PTPRD: variants seen among roughly 807,000 people sequenced by gnomAD.
PTPRD encodes the protein protein tyrosine phosphatase receptor type D, also known as receptor-type tyrosine-protein phosphatase delta.
Under a neutral mutation model 214.5 loss-of-function variants are expected in PTPRD, and 34 were observed. The ratio of observed to expected loss-of-function variants is 0.16; its 90% CI spans 0.12 to 0.21. The LOEUF (loss-of-function observed/expected upper bound fraction) is 0.21. Among genes scored for constraint, PTPRD ranks in the 10% least tolerant of loss-of-function variants. PTPRD has a pLI of 1.00. For synonymous variants in PTPRD, 1,128 were observed against 845.7 expected (o/e 1.33, Z -5.79); for missense variants, 2,545 against 2,398.7 (o/e 1.06, Z -1.27).
intron 10 of PTPRD, among the ~76,000 whole-genome samples, chr9:9,174,657 G>T (rs1055317859): frequency 1.3e-5 from 2 of 152,002 alleles, no homozygotes; most frequent in Admixed American, 6.6e-5. Context: ...TTACATAAGA[G>T]ATTTCATAAT....
intron 3 of PTPRD, among the ~76,000 whole-genome samples, chr9:10,051,492 C>T (rs989835155): frequency 1.3e-5 from 2 of 151,768 alleles, no homozygotes; most frequent in Non-Finnish European, 2.9e-5. Context: ...GGTTCATGTG[C>T]ACAACATGCA....
chr9:10,470,138 A>G lies in PTPRD; in HGVS notation c.-599-129121T>C, dbSNP rs140632411. Among the ~76,000 whole-genome samples, 19 of 152,290 alleles carry G rather than the reference A, an allele frequency of 1.2e-4. No individual in the cohort carries two copies. In the East Asian group the frequency reaches 3.7e-3, roughly 29 times the overall value. ...GATATGGAATAGTCCCAACACAAAC[A>G]AATGACAAATGTTTGAGGTAATGGA... On this transcript the variant is annotated intron_variant, in intron 2 of 45. Coordinates refer to ENST00000381196, the MANE Select transcript of PTPRD (RefSeq NM_002839.4).
chr9:8,727,639 G>GTTTT (rs764907037), intron 12 of PTPRD, among the ~76,000 whole-genome samples: 1 of 149,926 alleles, frequency 6.7e-6, no homozygotes, highest in Non-Finnish European at 1.5e-5. Flanking sequence ...TGGTTTAGGT[G>GTTTT]TTTTTTGTTT....
intron 11 of PTPRD, among the ~76,000 whole-genome samples, chr9:8,959,617 A>G (rs1328785982): frequency 6.6e-6 from 1 of 151,956 alleles, no homozygotes; most frequent in Non-Finnish European, 1.5e-5. Context: ...GATTTTAACC[A>G]TTTGCATTTA....
chr9:9,783,012 T>C (rs185140181), intron 5 of PTPRD, among the ~76,000 whole-genome samples: 4 of 152,316 alleles, frequency 2.6e-5, no homozygotes, highest in Non-Finnish European at 5.9e-5. Flanking sequence ...AACCAAATCA[T>C]CATGGAATTT....
intron 5 of PTPRD, among the ~76,000 whole-genome samples, chr9:9,864,669 C>G (rs1338670552): frequency 6.6e-6 from 1 of 152,024 alleles, no homozygotes; most frequent in African/African-American, 2.4e-5. Context: ...CAGGCGCACA[C>G]CACCAAGCCC....
At chr9:8,590,167 T>C (rs536957861) in intron 14 of PTPRD, among the ~76,000 whole-genome samples, 7 of 152,108 alleles carry the variant, frequency 4.6e-5, no homozygotes, top group Admixed American at 1.3e-4. Flanking sequence ...AAGCTGATAA[T>C]AGAAACCAGA....
chr9:9,334,412 T>C (rs1049101928), intron 9 of PTPRD, among the ~76,000 whole-genome samples: 2 of 151,988 alleles, frequency 1.3e-5, no homozygotes, highest in African/African-American at 4.8e-5. Context: ...TAATGTGAAA[T>C]AGTCTGTTAA....
intron 9 of PTPRD, among the ~76,000 whole-genome samples, chr9:9,271,318 C>T (rs1168023641): frequency 6.6e-6 from 1 of 150,550 alleles, no homozygotes; most frequent in Non-Finnish European, 1.5e-5. Flanking sequence ...ACTTTCTCAT[C>T]TTTCTGAACA....
intron 2 of PTPRD, among the ~76,000 whole-genome samples, chr9:10,477,995 G>A (rs2099074157): frequency 6.6e-6 from 1 of 151,724 alleles, no homozygotes; most frequent in South Asian, 2.1e-4. Flanking sequence ...GGGGACAAGG[G>A]GAGGGAGAGC....
intron 9 of PTPRD, among the ~76,000 whole-genome samples, chr9:9,259,440 A>T (rs944143086): frequency 1.3e-5 from 2 of 151,892 alleles, no homozygotes; most frequent in Non-Finnish European, 2.9e-5. Context: ...CCTCTCCACC[A>T]ATGAATGTAT....
At chr9:10,340,475 T>C (rs2096918434) in intron 3 of PTPRD, among the ~76,000 whole-genome samples, 1 of 151,896 alleles carries the variant, frequency 6.6e-6, no homozygotes, top group African/African-American at 2.4e-5. Context: ...GTTTTTTGTT[T>C]TTGGTTTAAG....
At chr9:10,096,001 G>C (rs543127524) in intron 3 of PTPRD, among the ~76,000 whole-genome samples, 7 of 151,530 alleles carry the variant, frequency 4.6e-5, no homozygotes, top group Non-Finnish European at 1.0e-4. Context: ...TGTGAATTCT[G>C]TATATTCCTT....
At position 9,633,448 on chromosome 9, in the gene PTPRD, G is replaced by C. The variant is rs963088951; in HGVS notation, c.-286-58667C>G. 7.9e-5 allele frequency among the ~76,000 whole-genome samples: 12 copies of C among 152,294 alleles called. No individual in the cohort carries two copies. The South Asian group carries it at 8.3e-4, about 11-fold the overall frequency. On this transcript the variant is annotated intron_variant, in intron 7 of 45. Coordinates refer to ENST00000381196, the MANE Select transcript of PTPRD (RefSeq NM_002839.4). ...CAAACGACTTCCAAAATCTAGGCAT[G>C]TTTTCAAAATAACACATATATTAAT...
At chr9:10,175,051 T>C (rs1403780891) in intron 3 of PTPRD, among the ~76,000 whole-genome samples, 1 of 152,122 alleles carries the variant, frequency 6.6e-6, no homozygotes, top group Non-Finnish European at 1.5e-5. Context: ...AAGTTAGTGA[T>C]GAAAAATGAT....
Position 10,237,724 on chromosome 9 carries a change from A to G in PTPRD, c.-545+103239T>C, listed in dbSNP as rs184134299. Among the ~76,000 whole-genome samples, 108 of 152,002 alleles carry G rather than the reference A, an allele frequency of 7.1e-4. 1 individual carries two copies. The highest frequency in any genetic ancestry group is 5.1e-3 in the East Asian group (26 of 5,130). On this transcript the variant is annotated intron_variant, in intron 3 of 45. Transcript: ENST00000381196. ...CCCCTGACATGGAACATGTTAAATG[A>G]AAAACAAAATCCAGAAGATAGTGAA...
rs143674254 is a variant in PTPRD at position 8,485,787 on chromosome 9, C to G, written c.3030G>C (p.Gln1010His). The G allele has an allele frequency of 2.0e-3, 3,176 of 1,613,328 alleles. 124 individuals are homozygous for G. In the Admixed American group the frequency reaches 0.05, roughly 25 times the overall value. ...KGPGPYSPSV[Q>H]FRTLPVDQVF... ...CTTGATCCACAGGCAGTGTCCTGAACTGGACACTGGGACTATATGGCCCGG... is the reference window on the plus strand; with the variant it reads ...CTTGATCCACAGGCAGTGTCCTGAAGTGGACACTGGGACTATATGGCCCGG... Residue 1010 changes from glutamine (Q) to histidine (H), a missense_variant, in exon 28 of 46, where the codon CAG becomes CAC. Physicochemically the swap from Gln to His is conservative, Grantham distance 24. Coordinates refer to ENST00000381196, the MANE Select transcript of PTPRD (RefSeq NM_002839.4).
chr9:9,203,432 A>G (rs2099943047), intron 9 of PTPRD, among the ~76,000 whole-genome samples: 1 of 152,154 alleles, frequency 6.6e-6, no homozygotes, highest in Non-Finnish European at 1.5e-5. Flanking sequence ...TAGGAATCTC[A>G]GTCTGTTTTT....
At chr9:8,925,858 A>AGT (rs2098883181) in intron 11 of PTPRD, among the ~76,000 whole-genome samples, 1 of 120,172 alleles carries the variant, frequency 8.3e-6, no homozygotes, top group African/African-American at 3.0e-5. Context: ...CTATTGCAAT[A>AGT]TTTTTTTTTT....
Sources: allele counts gnomAD v4.1 joint callset (sites outside exome capture counted in the v4.1 genomes callset), GRCh38; gene constraint gnomAD v4.1.1; transcripts MANE v1.5; gene names NCBI Gene and HGNC (gene_info 2026-07-23, HGNC 2026-07-21).